The following ZNF229 variants were observed in gnomAD, a reference collection of about 807,000 sequenced individuals.
The protein encoded by ZNF229 is zinc finger protein 229.
ZNF229 carries 10 observed loss-of-function variants against 11.8 expected under a neutral mutation model. The observed-to-expected ratio is 0.85, with a 90% confidence interval of 0.52 to 1.44. The LOEUF is 1.44. Ranked by LOEUF, ZNF229 falls within the 40% of genes most tolerant of loss-of-function variation. ZNF229 has a pLI of 0.00. For missense variants in ZNF229, 1,045 were observed against 1,015.1 expected, an observed-to-expected ratio of 1.03 and a Z score of -0.40; for synonymous variants, 368 against 374.8, an observed-to-expected ratio of 0.98 and a Z score of 0.21.
At chr19:44,439,384 G>C (rs1280753030) in intron 4 of ZNF229, among the ~76,000 whole-genome samples, 1 of 152,188 alleles carries the variant, frequency 6.6e-6, no homozygotes, top group African/African-American at 2.4e-5. Context: ...AAAACTGGTA[G>C]TAATCAGAAC....
chr19:44,428,657 T>C lies in ZNF229; in HGVS notation c.2124A>G (p.Gly708=). ...ATTCACAACAAGTGTAGGGTTTCTC[T>C]CCTGTGTGCAACCTCTGGTGGGTGC... The part of the protein sequence containing the change: ...NLRTHQRLHT[G]EKPYTCCECG... Residue 708 remains glycine, a synonymous_variant, in exon 6 of 6, where the codon GGA becomes GGG. Transcript: ENST00000614049. The C allele has an allele frequency of 6.2e-7, 1 of 1,614,034 alleles. No individual in the cohort carries two copies.
chr19:44,442,281 C>T (rs181725036), intron 4 of ZNF229, among the ~76,000 whole-genome samples: 3 of 152,242 alleles, frequency 2.0e-5, no homozygotes, highest in Admixed American at 6.5e-5. Context: ...AGGCTTGGGC[C>T]TCTGCGTGAA....
intron 4 of ZNF229, among the ~76,000 whole-genome samples, chr19:44,435,182 TC>T: frequency 6.6e-6 from 1 of 152,142 alleles, no homozygotes; most frequent in Non-Finnish European, 1.5e-5. Context: ...TATTACTTTT[TC>T]AAGAAATATT....
At chr19:44,436,125 T>C (rs531294669) in intron 4 of ZNF229, among the ~76,000 whole-genome samples, 1 of 152,178 alleles carries the variant, frequency 6.6e-6, no homozygotes, top group Non-Finnish European at 1.5e-5. Context: ...GGGAGACATG[T>C]TGGCCCGGAC....
At chr19:44,436,642 G>T (rs566438477) in intron 4 of ZNF229, among the ~76,000 whole-genome samples, 1 of 150,886 alleles carries the variant, frequency 6.6e-6, no homozygotes, top group Admixed American at 6.6e-5. Context: ...AGCTAGGTGT[G>T]ATGGCGCACC....
In ZNF229 at chr19:44,430,641, T is replaced by C. The variant is rs555039282; in HGVS notation, c.239-99A>G. ...GAACTAATAATAGCCTAGAGAAAAA[T>C]TAGGCTTTATGTATCATAACTATTA... On this transcript the variant is annotated intron_variant, in intron 5 of 5. Transcript: ENST00000614049. The C allele has an allele frequency of 3.7e-5, 42 of 1,148,634 alleles. No homozygotes were observed. In the South Asian group the frequency reaches 6.2e-4, roughly 17 times the overall value. The allele number at this position is 1,148,634 out of a possible 1,614,324, so 71.2% of individuals were successfully genotyped here.
intron 4 of ZNF229, among the ~76,000 whole-genome samples, chr19:44,434,420 C>T (rs1295749602): frequency 1.3e-5 from 2 of 152,146 alleles, no homozygotes; most frequent in Non-Finnish European, 2.9e-5. Context: ...ATCTCCTCAA[C>T]CAGGTGAGAC....
intron 4 of ZNF229, among the ~76,000 whole-genome samples, chr19:44,436,520 C>A (rs551639063): frequency 5.3e-5 from 8 of 152,274 alleles, no homozygotes; most frequent in African/African-American, 1.2e-4. Flanking sequence ...GTGGCTCCTG[C>A]CGGTCATCCC....
intron 4 of ZNF229, among the ~76,000 whole-genome samples, chr19:44,434,885 G>A (rs1456641623): frequency 6.6e-6 from 1 of 152,162 alleles, no homozygotes; most frequent in African/African-American, 2.4e-5. Context: ...TGTTATGGGA[G>A]GGACCTGATG....
intron 4 of ZNF229, among the ~76,000 whole-genome samples, chr19:44,433,340 G>A (rs990379696): frequency 6.6e-6 from 1 of 152,072 alleles, no homozygotes; most frequent in Non-Finnish European, 1.5e-5. Context: ...TAACAGGGGT[G>A]AGCCACTGAT....
At position 44,430,494 on chromosome 19, in the gene ZNF229, C is replaced by T. The variant is rs1971703350; in HGVS notation, c.287G>A (p.Arg96Lys). 1 of 1,614,096 alleles carries T rather than the reference C, an allele frequency of 6.2e-7. No homozygotes were observed. Among genetic ancestry groups the T allele is most frequent in the Non-Finnish European group, 8.5e-7 (1 of 1,180,034 alleles). The change falls in exon 6 of 6, where the codon AGG becomes AAG. Residue 96 changes from arginine (R) to lysine (K), a missense_variant. By Grantham distance (26) the Arg-to-Lys change is conservative. Transcript: ENST00000614049. ...DTEYIQDEEL[R>K]FFSHKELSSC... ...GGAGAGCTCTTTGTGTGAAAAGAAC[C>T]TTAATTCTTCATCTTGAATATACTC... is the stretch of plus-strand genomic sequence containing the variant.
At chr19:44,445,864 G>A (rs1971994638) in intron 2 of ZNF229, among the ~76,000 whole-genome samples, 1 of 152,142 alleles carries the variant, frequency 6.6e-6, no homozygotes, top group African/African-American at 2.4e-5. Context: ...GGATCCTTGG[G>A]TCCTCTTGAT....
chr19:44,428,940 T>C lies in ZNF229; in HGVS notation c.1841A>G (p.Asp614Gly), dbSNP rs1971643166. The C allele has an allele frequency of 6.2e-7, 1 of 1,611,768 alleles. No individual in the cohort carries two copies. The highest frequency in any genetic ancestry group is 8.5e-7 in the Non-Finnish European group (1 of 1,179,458). ...GTGGACCCTCTGATGGATAAGGAGG[T>C]CGGAGCTGTAGATGAAACCCTTCCC... ...VCGKGFIYSS[D>G]LLIHQRVHTG... The change falls in exon 6 of 6, where the codon GAC becomes GGC. Residue 614 changes from aspartate (D) to glycine (G), a missense_variant. Transcript: ENST00000614049.
At position 44,432,297 on chromosome 19, in the gene ZNF229, G is replaced by C. The variant is rs1404092999; in HGVS notation, c.163C>G (p.Gln55Glu). The change falls in exon 5 of 6, where the codon CAG (glutamine) becomes GAG (glutamate). Residue 55 changes from glutamine (Q) to glutamate (E), a missense_variant. Physicochemically the swap from Gln to Glu is conservative, Grantham distance 29. Transcript: ENST00000614049. Reference sequence around the variant, plus strand: ...ATCACATCTTGGTACAGCTGCCTCTGGGTAGAGTCCAGCAGCTCTAGCTCC... The same window carrying C: ...ATCACATCTTGGTACAGCTGCCTCTCGGTAGAGTCCAGCAGCTCTAGCTCC... ...EEELELLDSTQRQLYQDVMQE... is the reference protein window; with the variant it reads ...EEELELLDSTERQLYQDVMQE... 2 of 1,613,816 alleles carry C rather than the reference G, an allele frequency of 1.2e-6. No homozygotes were observed. Among genetic ancestry groups the C allele is most frequent in the African/African-American group, 1.3e-5 (1 of 74,806 alleles).
Position 44,430,549 on chromosome 19 carries a change from G to T in ZNF229, c.239-7C>A, listed in dbSNP as rs1971705052. ...TCCTTTCCATTCTTGTCTCCTATGAGGTTAAAGACAATTCAGAGATGAGAA... is the reference window on the plus strand; with the variant it reads ...TCCTTTCCATTCTTGTCTCCTATGATGTTAAAGACAATTCAGAGATGAGAA... On this transcript the variant is annotated splice_region_variant and splice_polypyrimidine_tract_variant and intron_variant, in intron 5 of 5. Coordinates refer to ENST00000614049, the MANE Select transcript of ZNF229 (RefSeq NM_014518.4). 1.2e-6 allele frequency: 2 copies of T among 1,602,320 alleles called. No individual in the cohort carries two copies. The highest frequency in any genetic ancestry group is 1.7e-6 in the Non-Finnish European group (2 of 1,173,582).
At position 44,429,334 on chromosome 19, in the gene ZNF229, G is replaced by A; in HGVS notation, c.1447C>T (p.His483Tyr). Residue 483 changes from histidine to tyrosine, a missense_variant, in exon 6 of 6, where the codon CAC becomes TAC. His to Tyr is a moderately conservative substitution (Grantham distance 83). Coordinates refer to ENST00000614049, the MANE Select transcript of ZNF229 (RefSeq NM_014518.4). Reference sequence around the variant, plus strand: ...CACTGGTAGGGCCTCTCGCCGGTGTGTGTCTTCTGATGACTGCTGAGGTGG... The same window carrying A: ...CACTGGTAGGGCCTCTCGCCGGTGTATGTCTTCTGATGACTGCTGAGGTGG... Reference protein sequence around the residue: ...SSHLSSHQKTHTGERPYQCDK... With the variant: ...SSHLSSHQKTYTGERPYQCDK... 6.2e-7 allele frequency: 1 copy of A among 1,614,120 alleles called. No individual in the cohort carries two copies. The highest frequency in any genetic ancestry group is 8.5e-7 in the Non-Finnish European group (1 of 1,179,990).
At chr19:44,438,069 C>G (rs963052236) in intron 4 of ZNF229, among the ~76,000 whole-genome samples, 3 of 152,126 alleles carry the variant, frequency 2.0e-5, no homozygotes, top group Non-Finnish European at 4.4e-5. Flanking sequence ...ACCCCCATGC[C>G]ATGCAATTCA....
intron 4 of ZNF229, among the ~76,000 whole-genome samples, chr19:44,438,014 G>T (rs542611554): frequency 2.0e-5 from 3 of 152,168 alleles, no homozygotes; most frequent in Admixed American, 6.5e-5. Context: ...ATAAATAATA[G>T]GCATTAGGCT....
chr19:44,435,592 C>CTCCTGACT (rs4027525), intron 4 of ZNF229, among the ~76,000 whole-genome samples: 116,269 of 151,400 alleles, frequency 0.77, 45,510 homozygotes, highest in East Asian at 1. Context: ...ACATAGGTAC[C>CTCCTGACT]TCCTGACTAG....
Sources: gnomAD v4.1 joint callset for allele counts (sites outside exome capture counted in the v4.1 genomes callset) on GRCh38, gnomAD v4.1.1 for gene constraint, MANE v1.5 for transcripts, NCBI Gene and HGNC (gene_info 2026-07-23, HGNC 2026-07-21) for gene names.